Variants in CFAP97 observed in about 807,000 individuals in gnomAD.
CFAP97 encodes the protein cilia- and flagella-associated protein 97.
Under a neutral mutation model 43.1 loss-of-function variants are expected in CFAP97, and 36 were observed. The ratio of observed to expected loss-of-function variants is 0.84; its 90% confidence interval spans 0.64 to 1.10. The LOEUF (loss-of-function observed/expected upper bound fraction) is 1.10, where lower values mean the gene tolerates loss of function less well. Ranked by LOEUF, CFAP97 falls within the 50% of genes least tolerant of loss-of-function variation. The pLI is 0.00. For synonymous variants in CFAP97, 228 were observed against 225.7 expected (o/e 1.01, Z -0.09); for missense variants, 657 against 620.3 (o/e 1.06, Z -0.63).
intron 3 of CFAP97, among the ~76,000 whole-genome samples, chr4:185,173,735 G>T (rs2111337510): frequency 6.6e-6 from 1 of 152,266 alleles, no homozygotes; most frequent in South Asian, 2.1e-4. Flanking sequence ...GAGGATAGGG[G>T]TGGGGAAAGG....
intron 2 of CFAP97, among the ~76,000 whole-genome samples, chr4:185,178,192 A>G (rs879762058): frequency 1.3e-5 from 2 of 150,978 alleles, no homozygotes; most frequent in Admixed American, 6.6e-5. Flanking sequence ...TTAAAATTCA[A>G]TTCTAAAGGA....
In CFAP97 at chr4:185,162,549, C is replaced by T. The variant is rs1302836201; in HGVS notation, c.*249G>A. 4.5e-6 allele frequency: 2 copies of T among 445,926 alleles called. No individual in the cohort carries two copies. Among genetic ancestry groups the T allele is most frequent in the African/African-American group, 2.1e-5 (1 of 48,234 alleles). The allele number at this position is 445,926 out of a possible 1,614,324, so 27.6% of individuals were successfully genotyped here. ...ATGACAACTGAATAATTAGAAGATA[C>T]ACATGCATACCACTATTTCTCTATT... On this transcript the variant is annotated 3_prime_UTR_variant, in exon 5 of 5. Coordinates refer to ENST00000458385, the MANE Select transcript of CFAP97 (RefSeq NM_020827.3).
chr4:185,181,963 T>C (rs190214862), intron 2 of CFAP97, among the ~76,000 whole-genome samples: 2 of 152,320 alleles, frequency 1.3e-5, no homozygotes, highest in East Asian at 1.9e-4. Context: ...GGTATCACTT[T>C]AGCAAAAAAT....
chr4:185,184,172 G>A (rs114678562), intron 2 of CFAP97, among the ~76,000 whole-genome samples: 184 of 152,270 alleles, frequency 1.2e-3, no homozygotes, highest in African/African-American at 4.2e-3. Flanking sequence ...TAGAAATGCC[G>A]ATTTAGCTCT....
chr4:185,190,061 T>C, intron 2 of CFAP97, 82 bp downstream of exon 2: 2 of 1,093,960 alleles, frequency 1.8e-6, no homozygotes, highest in Non-Finnish European at 2.5e-6. Context: ...ATCTACTAGA[T>C]CAATGCAAAT....
intron 1 of CFAP97, among the ~76,000 whole-genome samples, chr4:185,191,462 A>G (rs1220863741): frequency 6.6e-6 from 1 of 152,254 alleles, no homozygotes; most frequent in Non-Finnish European, 1.5e-5. Context: ...CAGATCATCA[A>G]GGTAGGGATG....
At chr4:185,204,070 T>C (rs1341554528), upstream of CFAP97, 5 of 150,208 alleles carry the variant, frequency 3.3e-5, no homozygotes, top group African/African-American at 1.2e-4. Context: ...ACGCCGGGCC[T>C]CGTGCGGCCC....
chr4:185,196,342 C>T (rs527772126), intron 1 of CFAP97, among the ~76,000 whole-genome samples: 1 of 152,052 alleles, frequency 6.6e-6, no homozygotes, highest in South Asian at 2.1e-4. Flanking sequence ...GGTGTGGTGG[C>T]ACGTGCCTAT....
At position 185,164,126 on chromosome 4, in the gene CFAP97, T is replaced by C. The variant is rs1193267284; in HGVS notation, c.1374A>G (p.Ser458=). The change falls in exon 4 of 5, where the codon TCA becomes TCG. Residue 458 remains serine (S), a synonymous_variant. Coordinates refer to ENST00000458385, the MANE Select transcript of CFAP97 (RefSeq NM_020827.3). ...AVKPTVGMKR[S]EQLMDYHRNM... is the part of the protein sequence containing the mutation. ...TGCGATGATAGTCCATCAGTTGTTC[T>C]GAACGTTTCATACCAACTGTTGGTT... is the stretch of plus-strand genomic sequence containing the variant. 1 of 1,614,038 alleles carries C rather than the reference T, an allele frequency of 6.2e-7. No individual in the cohort carries two copies. The highest frequency in any genetic ancestry group is 8.5e-7 in the Non-Finnish European group (1 of 1,179,872).
At chr4:185,190,060 A>C (rs1736162809) in intron 2 of CFAP97, 83 bp downstream of exon 2, 8 of 1,082,718 alleles carry the variant, frequency 7.4e-6, no homozygotes, top group Admixed American at 3.0e-5. Flanking sequence ...TATCTACTAG[A>C]TCAATGCAAA....
At chr4:185,207,407 G>C (rs1470675706), upstream of CFAP97, among the ~76,000 whole-genome samples, 3 of 151,724 alleles carry the variant, frequency 2.0e-5, no homozygotes, top group East Asian at 5.8e-4. Flanking sequence ...TAGTAGAGAC[G>C]GGGTTTTGCC....
rs1442035985 is a variant in CFAP97, at chr4:185,161,900, A to G, written c.*898T>C. The G allele has an allele frequency of 6.6e-6, 1 of 152,214 alleles. No homozygotes were observed. The highest frequency in any genetic ancestry group is 1.5e-5 in the Non-Finnish European group (1 of 68,040). The allele number at this position is 152,214 out of a possible 1,614,324, so 9.4% of individuals were successfully genotyped here. A position where few individuals can be genotyped will look rare whatever the true frequency, so the allele number is the denominator to read the frequency against. The stretch of plus-strand genomic sequence containing the variant: ...GCTAAGTCTTCTCTAATAACATAAT[A>G]AATACTGAATTACCTAAAACACTGT... On this transcript the variant is annotated 3_prime_UTR_variant, in exon 5 of 5. Coordinates refer to ENST00000458385, the MANE Select transcript of CFAP97 (RefSeq NM_020827.3).
At chr4:185,196,075 C>A (rs182993302) in intron 1 of CFAP97, among the ~76,000 whole-genome samples, 67 of 152,182 alleles carry the variant, frequency 4.4e-4, no homozygotes, top group African/African-American at 1.6e-3. Flanking sequence ...TAGCATAGCC[C>A]AGAGCAATAT....
chr4:185,201,158 T>C (rs1736804572), intron 1 of CFAP97, among the ~76,000 whole-genome samples: 1 of 151,790 alleles, frequency 6.6e-6, no homozygotes, highest in Admixed American at 6.6e-5. Context: ...ACCTCATCTC[T>C]ACTACAAATA....
At chr4:185,194,732 T>C (rs948920471) in intron 1 of CFAP97, among the ~76,000 whole-genome samples, 1 of 152,096 alleles carries the variant, frequency 6.6e-6, no homozygotes, top group Non-Finnish European at 1.5e-5. Context: ...ACATGAAAAA[T>C]ACAGAATACA....
intron 3 of CFAP97, among the ~76,000 whole-genome samples, chr4:185,171,086 A>C (rs1199602764): frequency 6.6e-6 from 1 of 151,910 alleles, no homozygotes; most frequent in African/African-American, 2.4e-5. Context: ...AGAACTCCTA[A>C]CTGGAAAAAT....
Position 185,163,386 on chromosome 4 carries a change from G to A in CFAP97, c.1472-461C>T, listed in dbSNP as rs182562733. On this transcript the variant is annotated intron_variant, in intron 4 of 4. Transcript: ENST00000458385. ...GGGCGCTGGGAAGTTGTGGCATCGGGCGGTTTGGTATTCCCTTCTATTTAT... is the reference window on the plus strand; with the variant it reads ...GGGCGCTGGGAAGTTGTGGCATCGGACGGTTTGGTATTCCCTTCTATTTAT... Among the ~76,000 whole-genome samples the A allele has an allele frequency of 1.4e-4, 21 of 152,164 alleles. No individual in the cohort carries two copies. The East Asian group carries it at 4.1e-3, about 29-fold the overall frequency.
intron 1 of CFAP97, among the ~76,000 whole-genome samples, chr4:185,198,592 C>T (rs1736669024): frequency 6.6e-6 from 1 of 151,936 alleles, no homozygotes; most frequent in Non-Finnish European, 1.5e-5. Context: ...GAGTTCAAGA[C>T]CAGCCTGACC....
chr4:185,188,297 A>T (rs1225038253), intron 2 of CFAP97, among the ~76,000 whole-genome samples: 1 of 151,710 alleles, frequency 6.6e-6, no homozygotes, highest in Non-Finnish European at 1.5e-5. Flanking sequence ...CTGGGATTAT[A>T]GGTATGTGCC....
Sources: gnomAD v4.1 joint callset for allele counts (sites outside exome capture counted in the v4.1 genomes callset) on GRCh38, gnomAD v4.1.1 for gene constraint, MANE v1.5 for transcripts, NCBI Gene and HGNC (gene_info 2026-07-23, HGNC 2026-07-21) for gene names.